NRP1: variants seen among roughly 807,000 people sequenced by gnomAD.
The protein encoded by NRP1 is neuropilin 1.
NRP1 carries 35 observed loss-of-function variants against 106.7 expected under a neutral mutation model. The observed-to-expected ratio is 0.33, with a 90% CI of 0.25 to 0.43. The LOEUF is 0.43. Ranked by LOEUF, NRP1 falls within the 20% of genes least tolerant of loss-of-function variation. The probability of loss-of-function intolerance (pLI) is 1.00; values close to 1 mark genes in which losing one functional copy is unlikely to be tolerated. For missense variants in NRP1, 1,024 were observed against 1,170.4 expected (o/e 0.87, Z 1.83); for synonymous variants, 437 against 417.9 (o/e 1.05, Z -0.56).
chr10:33,307,255 T>G (rs957845860), intron 2 of NRP1, among the ~76,000 whole-genome samples: 3 of 152,208 alleles, frequency 2.0e-5, no homozygotes, highest in Non-Finnish European at 2.9e-5. Context: ...GTCAGCAAAC[T>G]ATGGCCTGTA....
chr10:33,213,780 T>A, intron 8 of NRP1, 63 bp from the exon 9 acceptor site: 1 of 1,231,136 alleles, frequency 8.1e-7, no homozygotes, highest in Non-Finnish European at 1.1e-6. Context: ...TGCTAAGAAA[T>A]AAAATACAAC....
chr10:33,197,779 C>A, intron 11 of NRP1, 70 bp from the exon 12 acceptor site: 2 of 851,550 alleles, frequency 2.3e-6, no homozygotes, highest in South Asian at 1.7e-5. Flanking sequence ...AAAATGTATG[C>A]TTACAAATGT....
chr10:33,212,339 C>G (rs545114876), intron 9 of NRP1: 2 of 152,176 alleles, frequency 1.3e-5, no homozygotes, highest in Non-Finnish European at 2.9e-5. Context: ...GAATATTATC[C>G]AGCCTTTCGA....
intron 2 of NRP1, among the ~76,000 whole-genome samples, chr10:33,314,409 G>C (rs1846867050): frequency 6.6e-6 from 1 of 152,192 alleles, no homozygotes; most frequent in East Asian, 1.9e-4. Flanking sequence ...TATGGTTGCA[G>C]ACAAACTAGA....
intron 3 of NRP1, 56 bp from the exon 4 acceptor site, chr10:33,263,929 C>T (rs1254477425): frequency 4.6e-6 from 5 of 1,089,890 alleles, no homozygotes; most frequent in Admixed American, 3.5e-5. Context: ...ACAACTTCCC[C>T]AAGAAATAAC....
At chr10:33,290,347 G>A (rs913109739) in intron 2 of NRP1, among the ~76,000 whole-genome samples, 1 of 121,794 alleles carries the variant, frequency 8.2e-6, no homozygotes, top group African/African-American at 2.8e-5. Flanking sequence ...GTTACCAAGA[G>A]GTTTTTTTTT....
intron 2 of NRP1, among the ~76,000 whole-genome samples, chr10:33,294,708 G>A (rs1344245131): frequency 1.3e-5 from 2 of 151,964 alleles, no homozygotes; most frequent in African/African-American, 2.4e-5. Flanking sequence ...TAATGAGGAA[G>A]ATAAGAAGGA....
At chr10:33,250,175 T>C (rs1415884097) in intron 6 of NRP1, among the ~76,000 whole-genome samples, 1 of 152,238 alleles carries the variant, frequency 6.6e-6, no homozygotes, top group Non-Finnish European at 1.5e-5. Context: ...TAGAGGTACG[T>C]GCCTCTTGCC....
chr10:33,183,664 T>C (rs1835827771), intron 15 of NRP1, among the ~76,000 whole-genome samples: 1 of 152,240 alleles, frequency 6.6e-6, no homozygotes, highest in Non-Finnish European at 1.5e-5. Context: ...ACTGCTGTAT[T>C]CCAGCATTTA....
chr10:33,241,874 A>C (rs1209278760), intron 6 of NRP1, among the ~76,000 whole-genome samples: 1 of 152,252 alleles, frequency 6.6e-6, no homozygotes, highest in Admixed American at 6.5e-5. Flanking sequence ...TGAAAAAGAA[A>C]TGAATTGATT....
At chr10:33,214,545 G>A (rs548044186) in intron 8 of NRP1, among the ~76,000 whole-genome samples, 15 of 152,234 alleles carry the variant, frequency 9.9e-5, no homozygotes, top group African/African-American at 2.9e-4. Context: ...TGATCCGAGC[G>A]CTCTGGCCAG....
intron 2 of NRP1, among the ~76,000 whole-genome samples, chr10:33,326,594 C>G (rs1303684578): frequency 6.6e-6 from 1 of 152,168 alleles, no homozygotes; most frequent in Admixed American, 6.5e-5. Flanking sequence ...ACAGACGCTC[C>G]ACTGGTCTGT....
chr10:33,185,692 GT>G lies in NRP1; in HGVS notation c.2366del (p.Asn789ThrfsTer63). ...VIFEGEIGKG[N>X]LGGIAVDDIS... ...TGTCATCCACAGCAATCCCACCAAG[GT>G]TTCCTTTTCCGATTTCGCCCTCGAA... On this transcript the variant is annotated frameshift_variant, in exon 15 of 17. Transcript: ENST00000374867. LOFTEE classifies it high-confidence loss of function. 1 of 1,614,078 alleles carries G rather than the reference GT, an allele frequency of 6.2e-7. No individual in the cohort carries two copies. The highest frequency in any genetic ancestry group is 8.5e-7 in the Non-Finnish European group (1 of 1,179,990).
At chr10:33,197,386 T>TA (rs1836861801) in intron 12 of NRP1, among the ~76,000 whole-genome samples, 1 of 152,226 alleles carries the variant, frequency 6.6e-6, no homozygotes, top group Non-Finnish European at 1.5e-5. Flanking sequence ...GTGCTGCGTT[T>TA]AAACAAAGTA....
At chr10:33,275,878 C>G (rs1450759468) in intron 2 of NRP1, among the ~76,000 whole-genome samples, 2 of 151,960 alleles carry the variant, frequency 1.3e-5, no homozygotes, top group African/African-American at 4.8e-5. Context: ...TTACTGCACT[C>G]CAGCCTGGTC....
At chr10:33,213,913 A>C in intron 8 of NRP1, 196 bp from the exon 9 acceptor site, 1 of 557,564 alleles carries the variant, frequency 1.8e-6, no homozygotes. Context: ...CCGTCTCTAA[A>C]CTCACATCCC....
intron 3 of NRP1, among the ~76,000 whole-genome samples, chr10:33,267,059 G>A (rs1015830426): frequency 2.6e-5 from 4 of 151,882 alleles, no homozygotes; most frequent in Admixed American, 1.3e-4. Flanking sequence ...ACAAAAAAAC[G>A]TGTAGCACCT....
intron 2 of NRP1, among the ~76,000 whole-genome samples, chr10:33,290,507 TC>T (rs1844921871): frequency 2.6e-5 from 4 of 152,146 alleles, no homozygotes; most frequent in Admixed American, 2.6e-4. Flanking sequence ...AGTAACTTAC[TC>T]CTAAACTCCT....
intron 4 of NRP1, among the ~76,000 whole-genome samples, chr10:33,258,883 A>T (rs571672971): frequency 6.6e-6 from 1 of 152,360 alleles, no homozygotes; most frequent in Non-Finnish European, 1.5e-5. Flanking sequence ...TATTAAAAGA[A>T]AAGCCTTAGA....
Sources: allele counts gnomAD v4.1 joint callset (sites outside exome capture counted in the v4.1 genomes callset), GRCh38; gene constraint gnomAD v4.1.1; transcripts MANE v1.5; gene names NCBI Gene and HGNC (gene_info 2026-07-23, HGNC 2026-07-21).